Variants in SERINC5 observed in about 807,000 individuals in gnomAD.
The protein encoded by SERINC5 is chromosome 5 open reading frame 12.
Under a neutral mutation model 63.1 loss-of-function variants are expected in SERINC5, and 41 were observed. The observed-to-expected ratio is 0.65, with a 90% CI of 0.51 to 0.84. SERINC5 has a LOEUF of 0.84. Ranked by LOEUF, SERINC5 falls within the 40% of genes least tolerant of loss-of-function variation. The probability of loss-of-function intolerance (pLI) is 0.00; values close to 1 mark genes in which losing one functional copy is unlikely to be tolerated. For synonymous variants in SERINC5, 222 were observed against 215.2 expected, an observed-to-expected ratio of 1.03 and a Z score of -0.28; for missense variants, 523 against 573.0, an observed-to-expected ratio of 0.91 and a Z score of 0.89.
intron 11 of SERINC5, among the ~76,000 whole-genome samples, chr5:80,121,375 G>A (rs1744537072): frequency 6.6e-6 from 1 of 152,118 alleles, no homozygotes; most frequent in Non-Finnish European, 1.5e-5. Context: ...AGTTGGTGTG[G>A]TGGTGAGGAA....
At chr5:80,249,326 A>AG (rs1032425092) in intron 1 of SERINC5, among the ~76,000 whole-genome samples, 4 of 151,960 alleles carry the variant, frequency 2.6e-5, no homozygotes, top group African/African-American at 9.7e-5. Context: ...AAAAAAAAAA[A>AG]GAAACCATCA....
At chr5:80,205,964 G>A (rs1750136590) in intron 1 of SERINC5, among the ~76,000 whole-genome samples, 1 of 140,702 alleles carries the variant, frequency 7.1e-6, no homozygotes, top group Admixed American at 7.5e-5. Flanking sequence ...TTAGCCGGGT[G>A]TGGTGGTGCA....
intron 1 of SERINC5, among the ~76,000 whole-genome samples, chr5:80,208,083 C>T (rs972517363): frequency 1.1e-4 from 17 of 152,132 alleles, no homozygotes; most frequent in African/African-American, 3.9e-4. Context: ...AGAGAAGTGC[C>T]AGGGTTTCGT....
intron 1 of SERINC5, among the ~76,000 whole-genome samples, chr5:80,210,068 A>ATAAAG (rs920550274): frequency 3.3e-5 from 5 of 151,682 alleles, no homozygotes; most frequent in African/African-American, 1.2e-4. Context: ...AAGAAATAAA[A>ATAAAG]TAAAAGCAAC....
rs559198465 is a variant in SERINC5, at chr5:80,143,382, A to G, written c.*281T>C. ...CCCCAAATTCTGTTTTGGCAAAAAC[A>G]TGCAGAAGGAAGTCAACATAACTGG... is the stretch of plus-strand genomic sequence containing the variant. On this transcript the variant is annotated 3_prime_UTR_variant, in exon 12 of 12. Coordinates refer to ENST00000507668, the MANE Select transcript of SERINC5 (RefSeq NM_001174072.3). 2 of 1,136,512 alleles carry G rather than the reference A, an allele frequency of 1.8e-6. No homozygotes were observed. Among genetic ancestry groups the G allele is most frequent in the East Asian group, 9.2e-5 (2 of 21,634 alleles). 70.4% of individuals were successfully genotyped at this position (1,136,512 alleles called of 1,614,324 possible).
intron 1 of SERINC5, among the ~76,000 whole-genome samples, chr5:80,240,984 G>A (rs986527581): frequency 6.6e-6 from 1 of 152,132 alleles, no homozygotes; most frequent in African/African-American, 2.4e-5. Flanking sequence ...GTGTATTTCT[G>A]TAAAGCATAA....
intron 1 of SERINC5, among the ~76,000 whole-genome samples, chr5:80,227,270 T>C (rs532968216): frequency 2.0e-5 from 3 of 151,946 alleles, no homozygotes; most frequent in Admixed American, 2.0e-4. Context: ...ACAAAATAAG[T>C]AGAGAAAACA....
rs527781010 is a variant in SERINC5, at chr5:80,189,679, CTAAG to C, written c.196-11619_196-11616del. On this transcript the variant is annotated intron_variant, in intron 2 of 11. Coordinates refer to ENST00000507668, the MANE Select transcript of SERINC5 (RefSeq NM_001174072.3). The stretch of plus-strand genomic sequence containing the variant: ...TTTAGAGAAAACACATGCTTATAGT[CTAAG>C]TGAGCCTCAAATCTGCTAGTTTCTT... Among the ~76,000 whole-genome samples the C allele has an allele frequency of 3.5e-3, 529 of 152,258 alleles. 4 individuals carry two copies. Among genetic ancestry groups the C allele is most frequent in the African/African-American group, 0.012 (492 of 41,548 alleles).
downstream of SERINC5, among the ~76,000 whole-genome samples, chr5:80,135,174 T>C (rs917617111): frequency 7.9e-5 from 12 of 152,132 alleles, no homozygotes; most frequent in Admixed American, 7.2e-4. Flanking sequence ...GCTAGGACTA[T>C]AGGCACATGC....
At chr5:80,183,781 C>G (rs1018069340) in intron 2 of SERINC5, among the ~76,000 whole-genome samples, 5 of 152,120 alleles carry the variant, frequency 3.3e-5, no homozygotes, top group African/African-American at 1.2e-4. Context: ...ACGGCCCCAC[C>G]CCTATCTCCC....
chr5:80,194,462 A>G (rs986835096), intron 2 of SERINC5, among the ~76,000 whole-genome samples: 1 of 152,252 alleles, frequency 6.6e-6, no homozygotes, highest in Non-Finnish European at 1.5e-5. Context: ...AATATTTTTC[A>G]CTGATGATGT....
At position 80,142,615 on chromosome 5, in the gene SERINC5, T is replaced by A; in HGVS notation, c.*1048A>T. 7 of 985,444 alleles carry A rather than the reference T, an allele frequency of 7.1e-6. No homozygotes were observed. Among genetic ancestry groups the A allele is most frequent in the Non-Finnish European group, 8.4e-6 (7 of 829,938 alleles). The allele number at this position is 985,444 out of a possible 1,614,324, so 61.0% of individuals were successfully genotyped here. ...CAAACCTACTCCAAGGATGCCAGCA[T>A]GAACCTGAACGGTATGGTCACGTTA... On this transcript the variant is annotated 3_prime_UTR_variant, in exon 12 of 12. Coordinates refer to ENST00000507668, the MANE Select transcript of SERINC5 (RefSeq NM_001174072.3).
At position 80,143,172 on chromosome 5, in the gene SERINC5, G is replaced by A; in HGVS notation, c.*491C>T. 1.0e-6 allele frequency: 1 copy of A among 986,434 alleles called. No homozygotes were observed. The highest frequency in any genetic ancestry group is 1.2e-6 in the Non-Finnish European group (1 of 830,702). 61.1% of individuals were successfully genotyped at this position (986,434 alleles called of 1,614,324 possible). ...CTCTTGGACCCTATAAATACCAGGGGCCCTGCAGGCTGAGTCCTGTCCTCA... is the reference window on the plus strand; with the variant it reads ...CTCTTGGACCCTATAAATACCAGGGACCCTGCAGGCTGAGTCCTGTCCTCA... On this transcript the variant is annotated 3_prime_UTR_variant, in exon 12 of 12. Coordinates refer to ENST00000507668, the MANE Select transcript of SERINC5 (RefSeq NM_001174072.3).
In SERINC5 at chr5:80,178,073, A is replaced by G. The variant is rs753044895; in HGVS notation, c.196-9T>C. 3.2e-6 allele frequency: 5 copies of G among 1,575,626 alleles called. No homozygotes were observed. The highest frequency in any genetic ancestry group is 2.7e-5 in the African/African-American group (2 of 73,390). ...TCTTCAAAAAAAGGAATCTGAGGAG[A>G]AAGTTTAGAAAAGTCATCTGTTACA... On this transcript the variant is annotated splice_polypyrimidine_tract_variant and intron_variant, in intron 2 of 11. Transcript: ENST00000507668.
intron 1 of SERINC5, among the ~76,000 whole-genome samples, chr5:80,227,461 T>C (rs1032166630): frequency 1.6e-4 from 25 of 152,092 alleles, no homozygotes; most frequent in Admixed American, 1.6e-3. Context: ...GCACACCTCA[T>C]AATAAAACTG....
chr5:80,244,404 T>C (rs1041258989), intron 1 of SERINC5, among the ~76,000 whole-genome samples: 1 of 151,898 alleles, frequency 6.6e-6, no homozygotes, highest in East Asian at 2.0e-4. Context: ...TTAGTAGAGA[T>C]GGGGTTTTAC....
intron 1 of SERINC5, among the ~76,000 whole-genome samples, chr5:80,243,160 T>C (rs1752022688): frequency 6.6e-6 from 1 of 152,054 alleles, no homozygotes; most frequent in Non-Finnish European, 1.5e-5. Context: ...TCCCAGGGGG[T>C]GGCCCCTTCA....
At chr5:80,208,002 G>A (rs989740183) in intron 1 of SERINC5, among the ~76,000 whole-genome samples, 2 of 152,152 alleles carry the variant, frequency 1.3e-5, no homozygotes, top group Admixed American at 1.3e-4. Flanking sequence ...AAGACACTGA[G>A]CATGTCACTC....
chr5:80,252,960 T>C (rs1187400913), intron 1 of SERINC5, among the ~76,000 whole-genome samples: 2 of 152,210 alleles, frequency 1.3e-5, no homozygotes, highest in Non-Finnish European at 2.9e-5. Flanking sequence ...AAATACCTAA[T>C]TGGTGACTTG....
Sources: allele counts gnomAD v4.1 joint callset (sites outside exome capture counted in the v4.1 genomes callset), GRCh38; gene constraint gnomAD v4.1.1; transcripts MANE v1.5; gene names NCBI Gene and HGNC (gene_info 2026-07-23, HGNC 2026-07-21).